The following NWD2 variants were observed in gnomAD, a reference collection of about 807,000 sequenced individuals.
The protein encoded by NWD2 is NACHT and WD repeat domain containing 2.
Under a neutral mutation model 132.7 loss-of-function variants are expected in NWD2, and 37 were observed. The observed-to-expected ratio is 0.28, with a 90% CI of 0.21 to 0.37. The LOEUF (loss-of-function observed/expected upper bound fraction) is 0.37. Ranked by LOEUF, NWD2 falls within the 10% of genes least tolerant of loss-of-function variation. NWD2 has a pLI of 1.00. For synonymous variants in NWD2, 705 were observed against 803.0 expected (o/e 0.88, Z 2.06); for missense variants, 1,592 against 2,122.4 (o/e 0.75, Z 4.91).
At chr4:37,334,486 T>C (rs900350691) in intron 2 of NWD2, among the ~76,000 whole-genome samples, 2 of 152,170 alleles carry the variant, frequency 1.3e-5, no homozygotes, top group African/African-American at 2.4e-5. Context: ...ACATACCCTT[T>C]CTTCACCCCT....
intron 3 of NWD2, among the ~76,000 whole-genome samples, chr4:37,394,970 G>A (rs7654453): frequency 0.18 from 21,359 of 115,776 alleles, 1,722 homozygotes; most frequent in East Asian, 0.41. Context: ...ACACCACCAT[G>A]CCCAGCTAAT....
At chr4:37,351,035 T>C (rs1284100499) in intron 2 of NWD2, among the ~76,000 whole-genome samples, 1 of 152,192 alleles carries the variant, frequency 6.6e-6, no homozygotes, top group African/African-American at 2.4e-5. Context: ...GAAGCTGACT[T>C]GATCTTGGTG....
chr4:37,322,696 TG>T (rs1417165942), intron 1 of NWD2, among the ~76,000 whole-genome samples: 1 of 152,144 alleles, frequency 6.6e-6, no homozygotes, highest in African/African-American at 2.4e-5. Context: ...GGGGCAAGTA[TG>T]AAAACAGGGA....
Position 37,443,097 on chromosome 4 carries a change from T to C in NWD2, c.1297-188T>C, listed in dbSNP as rs1221149033. Among the ~76,000 whole-genome samples the C allele has an allele frequency of 6.6e-6, 1 of 152,202 alleles. No individual in the cohort carries two copies. Among genetic ancestry groups the C allele is most frequent in the African/African-American group, 2.4e-5 (1 of 41,462 alleles). On this transcript the variant is annotated intron_variant, in intron 6 of 6. Transcript: ENST00000309447. This position sits in a 1 kb window ranked among gnomAD's most constrained non-coding sequence, Gnocchi z 4.1. ...GGGGTAATCCTGAGGGTCTCACCTG[T>C]AGATTTTGGTACACAAGCTTCATGG...
intron 1 of NWD2, among the ~76,000 whole-genome samples, chr4:37,249,156 C>T (rs1035760313): frequency 2.0e-5 from 3 of 152,174 alleles, no homozygotes; most frequent in Non-Finnish European, 2.9e-5. Flanking sequence ...TAAATAGACA[C>T]ATGTGGCTGT....
At chr4:37,250,437 T>C (rs189237165) in intron 1 of NWD2, among the ~76,000 whole-genome samples, 177 of 152,312 alleles carry the variant, frequency 1.2e-3, no homozygotes, top group Non-Finnish European at 2.1e-3. Flanking sequence ...TGCTGTGATT[T>C]CTTGAGCAAG....
intron 1 of NWD2, among the ~76,000 whole-genome samples, chr4:37,281,477 C>G (rs1406363633): frequency 6.6e-6 from 1 of 152,076 alleles, no homozygotes; most frequent in Non-Finnish European, 1.5e-5. Flanking sequence ...TAAGCCATGT[C>G]TCTATGAACC....
At chr4:37,417,596 G>A (rs1711659387) in intron 3 of NWD2, among the ~76,000 whole-genome samples, 2 of 152,206 alleles carry the variant, frequency 1.3e-5, no homozygotes, top group South Asian at 4.2e-4. Flanking sequence ...AGATCTATTG[G>A]AAATAAGGGA....
chr4:37,301,021 G>A (rs1365081449), intron 1 of NWD2, among the ~76,000 whole-genome samples: 1 of 152,076 alleles, frequency 6.6e-6, no homozygotes, highest in South Asian at 2.1e-4. Context: ...ACCTTCTAAA[G>A]GAAGAGTGCA....
intron 1 of NWD2, among the ~76,000 whole-genome samples, chr4:37,309,563 C>G (rs1426824126): frequency 6.6e-6 from 1 of 152,122 alleles, no homozygotes. Context: ...AAAATGGCAC[C>G]ATAATGCAGT....
At chr4:37,255,426 C>T (rs1717496130) in intron 1 of NWD2, among the ~76,000 whole-genome samples, 2 of 152,086 alleles carry the variant, frequency 1.3e-5, no homozygotes, top group South Asian at 4.2e-4. Context: ...CAAGGGAGGG[C>T]ACAGCTTTTG....
chr4:37,375,920 T>C (rs760540837), intron 3 of NWD2, among the ~76,000 whole-genome samples: 1 of 152,194 alleles, frequency 6.6e-6, no homozygotes, highest in Non-Finnish European at 1.5e-5. Flanking sequence ...GAGAACTTGT[T>C]TCCAGTATTT....
intron 3 of NWD2, among the ~76,000 whole-genome samples, chr4:37,399,341 G>A (rs528273358): frequency 1.6e-4 from 24 of 152,264 alleles, no homozygotes; most frequent in Middle Eastern, 6.8e-3. Context: ...GAACAGGCCT[G>A]GATTCAGCTT....
chr4:37,296,860 A>G (rs1718506802), intron 1 of NWD2, among the ~76,000 whole-genome samples: 1 of 152,142 alleles, frequency 6.6e-6, no homozygotes, highest in African/African-American at 2.4e-5. Flanking sequence ...TTAACAAAGA[A>G]AATGTGATCA....
chr4:37,446,207 C>T lies in NWD2; in HGVS notation c.4219C>T (p.His1407Tyr). 1 of 1,551,710 alleles carries T rather than the reference C, an allele frequency of 6.4e-7. No individual in the cohort carries two copies. The highest frequency in any genetic ancestry group is 8.7e-7 in the Non-Finnish European group (1 of 1,147,014). The change falls in exon 7 of 7, where the codon CAC (histidine) becomes TAC (tyrosine). Residue 1407 changes from histidine to tyrosine, a missense_variant. By Grantham distance (83) the His-to-Tyr change is moderately conservative (BLOSUM62 2). Transcript: ENST00000309447. The surrounding 1 kb of genome is among the most constrained non-coding windows in gnomAD (Gnocchi z 6.7). ...GAGAATATCTCAGCTGCTGATTACA[C>T]ACAATGACCAGTTTGTGGTCTCGCT... ...GQRISQLLIT[H>Y]NDQFVVSLCE...
At chr4:37,364,683 C>A (rs1433824469) in intron 3 of NWD2, among the ~76,000 whole-genome samples, 1 of 120,280 alleles carries the variant, frequency 8.3e-6, no homozygotes, top group African/African-American at 2.9e-5. Flanking sequence ...CAGACTTCTA[C>A]CTCCACTTAC....
rs182740798 is a variant in NWD2, at chr4:37,247,770, C to T, written c.151+2552C>T. 2.3e-3 allele frequency among the ~76,000 whole-genome samples: 347 copies of T among 152,040 alleles called. 1 individual carries two copies. Among genetic ancestry groups the T allele is most frequent in the African/African-American group, 7.6e-3 (316 of 41,476 alleles). The stretch of plus-strand genomic sequence containing the variant: ...GATTACAGGTGCCCACCACTACGCC[C>T]GGCTAACTTTTGTACTTTTAGTAGC... On this transcript the variant is annotated intron_variant, in intron 1 of 6. Transcript: ENST00000309447.
At chr4:37,365,213 A>G (rs895738672) in intron 3 of NWD2, among the ~76,000 whole-genome samples, 47 of 152,356 alleles carry the variant, frequency 3.1e-4, no homozygotes, top group African/African-American at 1.1e-3. Context: ...TTAGCTTTGG[A>G]AAATATTTCA....
At chr4:37,299,463 C>A (rs1354006038) in intron 1 of NWD2, among the ~76,000 whole-genome samples, 1 of 152,112 alleles carries the variant, frequency 6.6e-6, no homozygotes, top group African/African-American at 2.4e-5. Flanking sequence ...TCCCTAAAAT[C>A]TTCCCCAATT....
Sources: gnomAD v4.1 joint callset for allele counts (sites outside exome capture counted in the v4.1 genomes callset) on GRCh38, gnomAD v4.1.1 for gene constraint, Gnocchi (gnomAD v3.1) non-coding constraint, MANE v1.5 for transcripts, NCBI Gene and HGNC (gene_info 2026-07-23, HGNC 2026-07-21) for gene names.